HELZ: variants seen among roughly 807,000 people sequenced by gnomAD.
HELZ encodes helicase with zinc finger.
Under a neutral mutation model 218.2 loss-of-function variants are expected in HELZ, and 23 were observed. The ratio of observed to expected loss-of-function variants is 0.11; its 90% CI spans 0.08 to 0.15. The LOEUF (loss-of-function observed/expected upper bound fraction) is 0.15. Ranked by LOEUF, HELZ falls within the 10% of genes least tolerant of loss-of-function variation. The pLI, the probability that HELZ is intolerant of heterozygous loss-of-function variation, is 1.00. For synonymous variants in HELZ, 814 were observed against 829.4 expected, an observed-to-expected ratio of 0.98 and a Z score of 0.32; for missense variants, 1,813 against 2,353.7, an observed-to-expected ratio of 0.77 and a Z score of 4.75.
intron 1 of HELZ, chr17:67,244,850 T>C: frequency 2.0e-6 from 2 of 985,320 alleles, no homozygotes; most frequent in Non-Finnish European, 2.4e-6. Context: ...TCCCGCAGGC[T>C]CCCGGGCCAG....
chr17:67,097,365 TATA>T (rs1469063146), intron 31 of HELZ, among the ~76,000 whole-genome samples: 3 of 152,192 alleles, frequency 2.0e-5, no homozygotes, highest in African/African-American at 7.2e-5. Flanking sequence ...TTGTAAAAAC[TATA>T]ATATCTGTGA....
In HELZ at chr17:67,077,831, C is replaced by T. The variant is rs1390011288; in HGVS notation, c.*421G>A. 1 of 151,898 alleles carries T rather than the reference C, an allele frequency of 6.6e-6. No individual in the cohort carries two copies. The highest frequency in any genetic ancestry group is 1.5e-5 in the Non-Finnish European group (1 of 68,104). 9.4% of individuals were successfully genotyped at this position (151,898 alleles called of 1,614,324 possible). On this transcript the variant is annotated 3_prime_UTR_variant, in exon 33 of 33. Transcript: ENST00000358691. ...AACATACATTTGTACATCAACTGGC[C>T]ATTTCTGGTACAGAAACCCAGCATG...
rs2036022587 is a variant in HELZ, at chr17:67,076,506, G to A, written c.*1746C>T. On this transcript the variant is annotated 3_prime_UTR_variant, in exon 33 of 33. Coordinates refer to ENST00000358691, the MANE Select transcript of HELZ (RefSeq NM_014877.4). ...CACCTTACACAGAGACCCACAGCCT[G>A]GAACGCAAAGCCACACACAAATGAA... The A allele has an allele frequency of 6.6e-6, 1 of 152,332 alleles. No individual in the cohort carries two copies. The highest frequency in any genetic ancestry group is 2.1e-4 in the South Asian group (1 of 4,830). The allele number at this position is 152,332 out of a possible 1,614,324, so 9.4% of individuals were successfully genotyped here.
chr17:67,142,743 ATATT>A (rs78383883), intron 21 of HELZ, among the ~76,000 whole-genome samples: 90,441 of 151,066 alleles, frequency 0.6, 28,341 homozygotes, highest in East Asian at 0.88. Flanking sequence ...ATAAAGAGGG[ATATT>A]TATTTATTTA....
At chr17:67,100,818 A>G (rs967248766) in intron 31 of HELZ, among the ~76,000 whole-genome samples, 1 of 152,108 alleles carries the variant, frequency 6.6e-6, no homozygotes, top group African/African-American at 2.4e-5. Flanking sequence ...AAGAAGAGAG[A>G]GGCCAGGCAT....
At chr17:67,079,417 T>C (rs888375477) in intron 32 of HELZ, among the ~76,000 whole-genome samples, 1 of 152,222 alleles carries the variant, frequency 6.6e-6, no homozygotes, top group Non-Finnish European at 1.5e-5. Context: ...ACTTATGTAA[T>C]GTCTCATTTT....
chr17:67,229,794 T>C (rs556699567), intron 3 of HELZ, among the ~76,000 whole-genome samples: 1 of 152,356 alleles, frequency 6.6e-6, no homozygotes, highest in Non-Finnish European at 1.5e-5. Context: ...CAAAGTAGTT[T>C]TACTCATTGT....
intron 25 of HELZ, 40 bp downstream of exon 25, chr17:67,123,923 T>A: frequency 1.4e-6 from 2 of 1,465,556 alleles, no homozygotes; most frequent in Non-Finnish European, 1.9e-6. Flanking sequence ...ATCTCTTACA[T>A]CATAAAAGCA....
intron 12 of HELZ, among the ~76,000 whole-genome samples, chr17:67,184,643 G>T (rs1362927807): frequency 2.0e-5 from 3 of 151,874 alleles, no homozygotes; most frequent in Admixed American, 6.6e-5. Flanking sequence ...TACAAAAAAA[G>T]ACTTTTTTAA....
chr17:67,121,919 T>C lies in HELZ; in HGVS notation c.3630+1051A>G, dbSNP rs1298083602. On this transcript the variant is annotated intron_variant, in intron 26 of 32. Transcript: ENST00000358691. ...TTTCTTGGGAACAGTTTTTGACTTA[T>C]ACAAAAATAAAAAGATAAAATGAAA... is the stretch of plus-strand genomic sequence containing the variant. 2.6e-5 allele frequency among the ~76,000 whole-genome samples: 4 copies of C among 152,158 alleles called. No homozygotes were observed. In the South Asian group the frequency reaches 6.2e-4, roughly 24 times the overall value.
chr17:67,225,005 A>G lies in HELZ; in HGVS notation c.-18-6183T>C, dbSNP rs2040852057. 5 of 688,762 alleles carry G rather than the reference A, an allele frequency of 7.3e-6. No individual in the cohort carries two copies. The East Asian group carries it at 1.5e-4, about 21-fold the overall frequency. The allele number at this position is 688,762 out of a possible 1,614,324, so 42.7% of individuals were successfully genotyped here. ...AAAGATGCAAGCATTTTGAACTGGA[A>G]GGAGATAAGAGAAAGGGTCAAGTGA... On this transcript the variant is annotated intron_variant, in intron 3 of 32. Coordinates refer to ENST00000358691, the MANE Select transcript of HELZ (RefSeq NM_014877.4).
At chr17:67,094,063 T>C (rs1454030633) in intron 31 of HELZ, among the ~76,000 whole-genome samples, 1 of 152,104 alleles carries the variant, frequency 6.6e-6, no homozygotes, top group Non-Finnish European at 1.5e-5. Context: ...GGAAACAGCA[T>C]GTAGTCCCAG....
intron 3 of HELZ, among the ~76,000 whole-genome samples, chr17:67,221,902 T>C (rs1014319925): frequency 1.3e-5 from 2 of 151,488 alleles, no homozygotes; most frequent in African/African-American, 2.4e-5. Context: ...GGGAGTGTAG[T>C]CGTGCAATCA....
chr17:67,107,527 C>T lies in HELZ; in HGVS notation c.4883G>A (p.Ser1628Asn), dbSNP rs532750701. ...VPSPPSSTDHSSHFSNFNDNS... is the reference protein window; with the variant it reads ...VPSPPSSTDHNSHFSNFNDNS... The stretch of plus-strand genomic sequence containing the variant: ...ATCATTAAAGTTAGAAAAGTGGCTA[C>T]TGTGGTCTGTACTGGATGGGGGAGA... Residue 1628 changes from serine (S) to asparagine (N), a missense_variant, in exon 31 of 33, where the codon AGT becomes AAT. By Grantham distance (46) the Ser-to-Asn change is conservative. Around this residue, in one of 4 missense-constraint regions of HELZ, gnomAD observed 938 missense variants for 1,027.5 expected, o/e 0.91. Coordinates refer to ENST00000358691, the MANE Select transcript of HELZ (RefSeq NM_014877.4). 6.2e-7 allele frequency: 1 copy of T among 1,614,070 alleles called. No individual in the cohort carries two copies. The highest frequency in any genetic ancestry group is 8.5e-7 in the Non-Finnish European group (1 of 1,180,008).
At chr17:67,236,291 T>C (rs543027372) in intron 3 of HELZ, among the ~76,000 whole-genome samples, 5 of 152,324 alleles carry the variant, frequency 3.3e-5, no homozygotes, top group Non-Finnish European at 5.9e-5. Flanking sequence ...CTACTACTTA[T>C]GGTAAAACAG....
rs1485609354 is a variant in HELZ, at chr17:67,161,015, T to C, written c.1957A>G (p.Ile653Val). 96 of 1,613,588 alleles carry C rather than the reference T, an allele frequency of 5.9e-5. No individual in the cohort carries two copies. Among genetic ancestry groups the C allele is most frequent in the Non-Finnish European group, 7.5e-5 (89 of 1,179,780 alleles). The change falls in exon 16 of 33, where the codon ATT becomes GTT. Residue 653 changes from isoleucine (I) to valine (V), a missense_variant. Coordinates refer to ENST00000358691, the MANE Select transcript of HELZ (RefSeq NM_014877.4). ...NAKQKEAVLA[I>V]TTPLAIQLPP... is the part of the protein sequence containing the mutation. Reference sequence around the variant, plus strand: ...AGCTGGATTGCAAGTGGAGTGGTAATGGCCAGAACAGCCTCTTTCTGTTTT... The same window carrying C: ...AGCTGGATTGCAAGTGGAGTGGTAACGGCCAGAACAGCCTCTTTCTGTTTT...
chr17:67,193,168 C>T (rs938573097), intron 9 of HELZ, among the ~76,000 whole-genome samples: 4 of 151,658 alleles, frequency 2.6e-5, no homozygotes, highest in Non-Finnish European at 5.9e-5. Flanking sequence ...CATGGTGAAA[C>T]CCCATCTCTA....
At chr17:67,216,611 T>C (rs1245412930) in intron 4 of HELZ, among the ~76,000 whole-genome samples, 1 of 152,100 alleles carries the variant, frequency 6.6e-6, no homozygotes, top group Non-Finnish European at 1.5e-5. Flanking sequence ...TCTATGTTGA[T>C]GTATTTCAAT....
At chr17:67,220,857 C>A (rs1037636379) in intron 3 of HELZ, among the ~76,000 whole-genome samples, 9 of 146,240 alleles carry the variant, frequency 6.2e-5, no homozygotes, top group Non-Finnish European at 1.4e-4. Flanking sequence ...ACTCCCCCCC[C>A]CCCAAAAAAA....
Sources: gnomAD v4.1 joint callset for allele counts (sites outside exome capture counted in the v4.1 genomes callset) on GRCh38, gnomAD v4.1.1 for gene constraint, gnomAD v4.1.1 regional missense constraint, MANE v1.5 for transcripts, NCBI Gene and HGNC (gene_info 2026-07-23, HGNC 2026-07-21) for gene names.